Variants in MYD88 observed in about 807,000 individuals in gnomAD.
MYD88 encodes myeloid differentiation primary response protein MyD88.
In MYD88, 15 loss-of-function variants were observed where a neutral mutation model predicts 31.1. The observed-to-expected ratio is 0.48, with a 90% CI of 0.32 to 0.74. The LOEUF is 0.74. Ranked by LOEUF, MYD88 falls within the 30% of genes least tolerant of loss-of-function variation. MYD88 has a pLI of 0.03. For missense variants in MYD88, 308 were observed against 387.4 expected (o/e 0.79, Z 1.72); for synonymous variants, 157 against 158.8 (o/e 0.99, Z 0.08).
Position 38,139,779 on chromosome 3 carries a change from A to G in MYD88, c.329-85A>G, listed in dbSNP as rs1701028522. On this transcript the variant is annotated intron_variant, in intron 1 of 4. Coordinates refer to ENST00000650905, the MANE Select transcript of MYD88 (RefSeq NM_002468.5). This position sits in a 1 kb window ranked among gnomAD's most constrained non-coding sequence, Gnocchi z 4.7. ...CCCTCTAGAACAACCCAGCCAGAGG[A>G]GGTGGGACAGCGGCTGGATCCTGAC... The G allele has an allele frequency of 6.4e-7, 1 of 1,561,484 alleles. No individual in the cohort carries two copies. The highest frequency in any genetic ancestry group is 2.2e-5 in the East Asian group (1 of 44,550).
chr3:38,140,569 G>A lies in MYD88; in HGVS notation c.644+1G>A, dbSNP rs2125778951. ...TTGCTAGTGAGCTCATCGAAAAGAG[G>A]TTGGCTAGAAGGCCACGGGGTGGGT... On this transcript the variant is annotated splice_donor_variant, in intron 3 of 4. Coordinates refer to ENST00000650905, the MANE Select transcript of MYD88 (RefSeq NM_002468.5). LOFTEE classifies it high-confidence loss of function. 2 of 1,614,168 alleles carry A rather than the reference G, an allele frequency of 1.2e-6. No individual in the cohort carries two copies. The highest frequency in any genetic ancestry group is 1.7e-6 in the Non-Finnish European group (2 of 1,180,010).
Position 38,140,316 on chromosome 3 carries a change from G to A in MYD88, c.464-72G>A. 1.9e-6 allele frequency: 3 copies of A among 1,555,790 alleles called. No individual in the cohort carries two copies. In the South Asian group the frequency reaches 3.4e-5, roughly 18 times the overall value. ...GCAGGGCCCAGGGTTGCCTAGGCAG[G>A]GGACTCTTGGCTGGATCCCTCCCAA... On this transcript the variant is annotated intron_variant, in intron 2 of 4. Transcript: ENST00000650905.
Position 38,141,281 on chromosome 3 carries a change from C to G in MYD88, c.886C>G (p.Pro296Ala), listed in dbSNP as rs1423284196. Reference sequence around the variant, plus strand: ...TCGCCTTGCCAAGGCCTTGTCCCTGCCCTGAAGACTGTTCTGAGGCCCTGG... The same window carrying G: ...TCGCCTTGCCAAGGCCTTGTCCCTGGCCTGAAGACTGTTCTGAGGCCCTGG... ...WTRLAKALSL[P>A] The change falls in exon 5 of 5, where the codon CCC becomes GCC. Residue 296 changes from proline (P) to alanine (A), a missense_variant. Coordinates refer to ENST00000650905, the MANE Select transcript of MYD88 (RefSeq NM_002468.5). The G allele has an allele frequency of 1.9e-6, 3 of 1,614,228 alleles. No individual in the cohort carries two copies. In the South Asian group the frequency reaches 3.3e-5, roughly 18 times the overall value.
chr3:38,141,973 G>A lies in MYD88; in HGVS notation c.*687G>A. The A allele has an allele frequency of 4.2e-6, 1 of 238,916 alleles. No homozygotes were observed. The highest frequency in any genetic ancestry group is 8.3e-6 in the Non-Finnish European group (1 of 121,158). 14.8% of individuals were successfully genotyped at this position (238,916 alleles called of 1,614,324 possible). A position where few individuals can be genotyped will look rare whatever the true frequency, so the allele number is the denominator to read the frequency against. ...CAGCTTCTGCCCAACCTTCAGCAGT[G>A]ACAAGTCCCCAAGAGACTCGCCTGA... On this transcript the variant is annotated 3_prime_UTR_variant, in exon 5 of 5. Coordinates refer to ENST00000650905, the MANE Select transcript of MYD88 (RefSeq NM_002468.5).
At position 38,139,182 on chromosome 3, in the gene MYD88, C is replaced by G. The variant is rs1344407803; in HGVS notation, c.328+154C>G. The stretch of plus-strand genomic sequence containing the variant: ...GAGAACCATGCGGGTCCCGTTCCTT[C>G]TTAATAACCGGTCGCGGTTATTAAG... On this transcript the variant is annotated intron_variant, in intron 1 of 4. Transcript: ENST00000650905. This position sits in a 1 kb window ranked among gnomAD's most constrained non-coding sequence, Gnocchi z 4.7. The G allele has an allele frequency of 1.9e-6, 2 of 1,066,896 alleles. No individual in the cohort carries two copies. The highest frequency in any genetic ancestry group is 2.6e-6 in the Non-Finnish European group (2 of 764,680). The allele number at this position is 1,066,896 out of a possible 1,614,324, so 66.1% of individuals were successfully genotyped here.
At position 38,142,389 on chromosome 3, in the gene MYD88, G is replaced by A; in HGVS notation, c.*1103G>A. 1 of 233,264 alleles carries A rather than the reference G, an allele frequency of 4.3e-6. No individual in the cohort carries two copies. The highest frequency in any genetic ancestry group is 2.2e-5 in the African/African-American group (1 of 45,438). The allele number at this position is 233,264 out of a possible 1,614,324, so 14.4% of individuals were successfully genotyped here. A position where few individuals can be genotyped will look rare whatever the true frequency, so the allele number is the denominator to read the frequency against. ...AGGTACAGCTCCCAGGAACAGCTAG[G>A]TGGGAAAGTCCCATCACTGAGGGAG... On this transcript the variant is annotated 3_prime_UTR_variant, in exon 5 of 5. Coordinates refer to ENST00000650905, the MANE Select transcript of MYD88 (RefSeq NM_002468.5).
Position 38,140,779 on chromosome 3 carries a change from G to A in MYD88, c.667G>A (p.Val223Ile), listed in dbSNP as rs747569171. 20 of 1,614,070 alleles carry A rather than the reference G, an allele frequency of 1.2e-5. No homozygotes were observed. The highest frequency in any genetic ancestry group is 1.7e-5 in the Non-Finnish European group (20 of 1,180,032). Reference protein sequence around the residue: ...EKRCRRMVVVVSDDYLQSKEC... With the variant: ...EKRCRRMVVVISDDYLQSKEC... The stretch of plus-strand genomic sequence containing the variant: ...TAGGTGCCGCCGGATGGTGGTGGTT[G>A]TCTCTGATGATTACCTGCAGAGCAA... Residue 223 changes from valine (V) to isoleucine (I), a missense_variant, in exon 4 of 5, where the codon GTC becomes ATC. Val to Ile is a conservative substitution (Grantham distance 29). Coordinates refer to ENST00000650905, the MANE Select transcript of MYD88 (RefSeq NM_002468.5).
In MYD88 at chr3:38,140,013, C is replaced by G. The variant is rs772729034; in HGVS notation, c.463+15C>G. ...TGACCCCCTGGGTAAGGGTCCAATA[C>G]TGTTCCCATGGGACAGGTGGAATAG... On this transcript the variant is annotated intron_variant, in intron 2 of 4. Coordinates refer to ENST00000650905, the MANE Select transcript of MYD88 (RefSeq NM_002468.5). The G allele has an allele frequency of 1.2e-6, 2 of 1,612,870 alleles. No homozygotes were observed. Among genetic ancestry groups the G allele is most frequent in the Admixed American group, 3.3e-5 (2 of 59,834 alleles).
rs1357400414 is a variant in MYD88, at chr3:38,142,822, G to T, written c.*1536G>T. 16 of 233,070 alleles carry T rather than the reference G, an allele frequency of 6.9e-5. No individual in the cohort carries two copies. Among genetic ancestry groups the T allele is most frequent in the Non-Finnish European group, 1.3e-4 (15 of 118,040 alleles). The allele number at this position is 233,070 out of a possible 1,614,324, so 14.4% of individuals were successfully genotyped here. ...CCCCTCTCTGCATGATCTTGTTGAGGCATTTAGCTGCCATGCACCTGTCCC... is the reference window on the plus strand; with the variant it reads ...CCCCTCTCTGCATGATCTTGTTGAGTCATTTAGCTGCCATGCACCTGTCCC... On this transcript the variant is annotated 3_prime_UTR_variant, in exon 5 of 5. Coordinates refer to ENST00000650905, the MANE Select transcript of MYD88 (RefSeq NM_002468.5).
rs2125780526 is a variant in MYD88 at position 38,141,213 on chromosome 3, T to C, written c.818T>C (p.Val273Ala). 6.2e-7 allele frequency: 1 copy of C among 1,614,212 alleles called. No homozygotes were observed. The highest frequency in any genetic ancestry group is 1.3e-5 in the African/African-American group (1 of 75,048). Reference protein sequence around the residue: ...EFPSILRFITVCDYTNPCTKS... With the variant: ...EFPSILRFITACDYTNPCTKS... ...CCCAGCATCCTGAGGTTCATCACTG[T>C]CTGCGACTACACCAACCCCTGCACC... Residue 273 changes from valine (V) to alanine (A), a missense_variant, in exon 5 of 5, where the codon GTC becomes GCC. Val to Ala is a moderately conservative substitution (Grantham distance 64). Coordinates refer to ENST00000650905, the MANE Select transcript of MYD88 (RefSeq NM_002468.5).
chr3:38,140,372 T>C lies in MYD88; in HGVS notation c.464-16T>C. The C allele has an allele frequency of 2.5e-6, 4 of 1,613,964 alleles. No homozygotes were observed. Among genetic ancestry groups the C allele is most frequent in the Non-Finnish European group, 3.4e-6 (4 of 1,179,884 alleles). ...CCCATGGAGCTCTGACCACCACCCT[T>C]GTGCTCTGCACCCAGGGCATATGCC... On this transcript the variant is annotated splice_polypyrimidine_tract_variant and intron_variant, in intron 2 of 4. Transcript: ENST00000650905.
At chr3:38,140,292 C>A in intron 2 of MYD88, 96 bp from the exon 3 acceptor site, 1 of 1,378,210 alleles carries the variant, frequency 7.3e-7, no homozygotes, top group East Asian at 2.4e-5. Context: ...GGGAAGGGTG[C>A]AGGGCCCAGG....
intron 2 of MYD88, 41 bp downstream of exon 2, chr3:38,140,039 G>C (rs759962637): frequency 3.4e-5 from 54 of 1,609,250 alleles, no homozygotes; most frequent in Non-Finnish European, 4.4e-5. Flanking sequence ...GGTGGAATAG[G>C]ACATTGTGGT....
At chr3:38,140,224 C>A (rs1559484501) in intron 2 of MYD88, 164 bp from the exon 3 acceptor site, 4 of 962,384 alleles carry the variant, frequency 4.2e-6, no homozygotes, top group Non-Finnish European at 4.8e-6. Flanking sequence ...AGCTTAGCCC[C>A]TGAGGTACTC....
Position 38,139,899 on chromosome 3 carries a change from C to T in MYD88, c.364C>T (p.Gln122Ter), listed in dbSNP as rs772420311. The T allele has an allele frequency of 6.2e-7, 1 of 1,613,500 alleles. No individual in the cohort carries two copies. Among genetic ancestry groups the T allele is most frequent in the South Asian group, 1.1e-5 (1 of 91,038 alleles). The change falls in exon 2 of 5, where the codon CAG (glutamine) becomes TAG (stop). Residue 122 changes from glutamine to a stop codon, truncating the protein, a stop_gained. Transcript: ENST00000650905. LOFTEE classifies it high-confidence loss of function. The surrounding 1 kb of genome is among the most constrained non-coding windows in gnomAD (Gnocchi z 4.7). ...DCQKYILKQQ[Q>*]EEAEKPLQVA... is the part of the protein sequence containing the mutation. ...CCAAAAGTATATCTTGAAGCAGCAG[C>T]AGGAGGAGGCTGAGAAGCCTTTACA...
intron 2 of MYD88, 184 bp downstream of exon 2, chr3:38,140,182 A>T (rs1701039823): frequency 1.0e-6 from 1 of 956,748 alleles, no homozygotes; most frequent in Admixed American, 2.0e-5. Context: ...TGAGATGCTC[A>T]TGAAATAATG....
Position 38,141,962 on chromosome 3 carries a change from C to A in MYD88, c.*676C>A, listed in dbSNP as rs776153938. On this transcript the variant is annotated 3_prime_UTR_variant, in exon 5 of 5. Transcript: ENST00000650905. Reference sequence around the variant, plus strand: ...TTCACACCTCCCAGCTTCTGCCCAACCTTCAGCAGTGACAAGTCCCCAAGA... The same window carrying A: ...TTCACACCTCCCAGCTTCTGCCCAAACTTCAGCAGTGACAAGTCCCCAAGA... 4.6e-5 allele frequency: 11 copies of A among 239,490 alleles called. No individual in the cohort carries two copies. The highest frequency in any genetic ancestry group is 7.4e-5 in the Non-Finnish European group (9 of 121,454). The allele number at this position is 239,490 out of a possible 1,614,324, so 14.8% of individuals were successfully genotyped here.
intron 2 of MYD88, 21 bp downstream of exon 2, chr3:38,140,019 C>A (rs763481121): frequency 6.2e-7 from 1 of 1,612,426 alleles, no homozygotes; most frequent in Non-Finnish European, 8.5e-7. Context: ...AATACTGTTC[C>A]CATGGGACAG....
intron 2 of MYD88, 185 bp downstream of exon 2, chr3:38,140,183 T>C: frequency 2.1e-6 from 2 of 956,098 alleles, no homozygotes; most frequent in Non-Finnish European, 3.2e-6. Context: ...GAGATGCTCA[T>C]GAAATAATGT....
Sources: gnomAD v4.1 joint callset for allele counts on GRCh38, gnomAD v4.1.1 for gene constraint, Gnocchi (gnomAD v3.1) non-coding constraint, MANE v1.5 for transcripts, NCBI Gene and HGNC (gene_info 2026-07-23, HGNC 2026-07-21) for gene names.